The following ZMPSTE24 variants were observed in gnomAD, a reference collection of about 807,000 sequenced individuals.
The protein encoded by ZMPSTE24 is zinc metallopeptidase STE24, also known as CAAX prenyl protease 1 homolog.
Under a neutral mutation model 56.7 loss-of-function variants are expected in ZMPSTE24, and 48 were observed. The observed-to-expected ratio is 0.85, with a 90% CI of 0.67 to 1.08. ZMPSTE24 has a LOEUF of 1.08. Among genes scored for constraint, ZMPSTE24 ranks in the 50% least tolerant of loss-of-function variants. The probability of loss-of-function intolerance (pLI) is 0.00; values close to 1 mark genes in which losing one functional copy is unlikely to be tolerated. For missense variants in ZMPSTE24, 503 were observed against 548.7 expected, an observed-to-expected ratio of 0.92 and a Z score of 0.83; for synonymous variants, 172 against 195.2, an observed-to-expected ratio of 0.88 and a Z score of 0.99.
chr1:40,269,545 G>A (rs959941870), intron 4 of ZMPSTE24, among the ~76,000 whole-genome samples: 3 of 152,098 alleles, frequency 2.0e-5, no homozygotes, highest in South Asian at 2.1e-4. Flanking sequence ...CTGTAGCCAC[G>A]ACCTTCCAGA....
intron 1 of ZMPSTE24, 27 bp downstream of exon 1, chr1:40,258,421 C>G (rs769897929): frequency 1.6e-5 from 26 of 1,613,616 alleles, no homozygotes; most frequent in Non-Finnish European, 1.9e-5. Flanking sequence ...TCCAACCTGA[C>G]CCCCATACCC....
In ZMPSTE24 at chr1:40,260,886, G is replaced by T. The variant is rs1455088256; in HGVS notation, c.171G>T (p.Gln57His). The T allele has an allele frequency of 6.2e-7, 1 of 1,614,010 alleles. No individual in the cohort carries two copies. Residue 57 changes from glutamine to histidine, a missense_variant, in exon 2 of 10, where the codon CAG becomes CAT. Physicochemically the swap from Gln to His is conservative, Grantham distance 24. Coordinates refer to ENST00000372759, the MANE Select transcript of ZMPSTE24 (RefSeq NM_005857.5). ...CTCATGTACCACCGGAGTTAGGACA[G>T]ATCATGGATTCTGAAACATTTGAGA... ...TTTHVPPELG[Q>H]IMDSETFEKS...
At chr1:40,279,537 C>T (rs539366562) in intron 6 of ZMPSTE24, among the ~76,000 whole-genome samples, 1 of 152,300 alleles carries the variant, frequency 6.6e-6, no homozygotes, top group East Asian at 1.9e-4. Context: ...TTTTCTGCAT[C>T]CAGCTAGTTG....
chr1:40,260,690 A>G (rs1338474492), intron 1 of ZMPSTE24, 149 bp from the exon 2 acceptor site: 3 of 737,440 alleles, frequency 4.1e-6, no homozygotes, highest in East Asian at 5.4e-5. Flanking sequence ...CAGTCGTTTC[A>G]TGTACTTGAT....
rs952090435 is a variant in ZMPSTE24, at chr1:40,284,286, A to T, written c.955-1639A>T. 1.1e-4 allele frequency among the ~76,000 whole-genome samples: 17 copies of T among 150,918 alleles called. 1 individual carries two copies. Among genetic ancestry groups the T allele is most frequent in the African/African-American group, 4.1e-4 (17 of 41,150 alleles). On this transcript the variant is annotated intron_variant, in intron 7 of 9. Coordinates refer to ENST00000372759, the MANE Select transcript of ZMPSTE24 (RefSeq NM_005857.5). ...GATTTCTAATAATTTTTTTATCTGA[A>T]TTTTCCAATTTACAGCATTTCGTTA...
intron 6 of ZMPSTE24, among the ~76,000 whole-genome samples, chr1:40,273,378 C>T (rs1481784888): frequency 2.7e-5 from 4 of 150,934 alleles, no homozygotes; most frequent in South Asian, 2.1e-4. Flanking sequence ...ATTAGCTGGG[C>T]GTGGTGGTGC....
chr1:40,268,644 A>T (rs989330907), intron 4 of ZMPSTE24, 109 bp downstream of exon 4: 1 of 777,948 alleles, frequency 1.3e-6, no homozygotes, highest in Non-Finnish European at 2.0e-6. Context: ...GTATGAATTG[A>T]GAAAAAAGGG....
At position 40,285,960 on chromosome 1, in the gene ZMPSTE24, C is replaced by T. The variant is rs116284141; in HGVS notation, c.990C>T (p.Leu330=). The T allele has an allele frequency of 8.9e-4, 1,430 of 1,613,796 alleles. 9 individuals carry two copies. The African/African-American group carries it at 0.016, about 18-fold the overall frequency. Residue 330 remains leucine (L), a synonymous_variant, in exon 8 of 10, where the codon CTC becomes CTT. Transcript: ENST00000372759. The part of the protein sequence containing the change: ...KKQGCKNEEV[L]AVLGHELGHW... ...AAGGATGTAAAAATGAGGAGGTACT[C>T]GCTGTACTAGGCCATGAACTGGGGC...
chr1:40,283,941 T>TTC (rs202058792), intron 7 of ZMPSTE24, among the ~76,000 whole-genome samples: 6,111 of 141,036 alleles, frequency 0.043, 377 homozygotes, highest in African/African-American at 0.15. Flanking sequence ...CTTTCTTTCT[T>TTC]TTTTTTTTTT....
chr1:40,268,256 A>C (rs537310615), intron 3 of ZMPSTE24, among the ~76,000 whole-genome samples, 163 bp from the exon 4 acceptor site: 1 of 152,328 alleles, frequency 6.6e-6, no homozygotes, highest in African/African-American at 2.4e-5. Context: ...ACTTCTCTCA[A>C]AAGTAAACTT....
At chr1:40,288,203 G>A (rs1038052768) in intron 8 of ZMPSTE24, among the ~76,000 whole-genome samples, 3 of 152,106 alleles carry the variant, frequency 2.0e-5, no homozygotes, top group Non-Finnish European at 2.9e-5. Context: ...AGGCCAGCTG[G>A]TTCTGGGTGA....
intron 2 of ZMPSTE24, 108 bp from the exon 3 acceptor site, chr1:40,267,678 T>G (rs1407011565): frequency 2.1e-6 from 2 of 940,502 alleles, no homozygotes; most frequent in African/African-American, 3.3e-5. Context: ...CTCTTTTGTT[T>G]TTTTAATAGA....
chr1:40,270,345 C>T (rs1438977688), intron 5 of ZMPSTE24, among the ~76,000 whole-genome samples: 1 of 152,122 alleles, frequency 6.6e-6, no homozygotes, highest in African/African-American at 2.4e-5. Context: ...GTCATAGAAA[C>T]TAGTTGTTAG....
chr1:40,286,124 C>T, intron 8 of ZMPSTE24, 95 bp downstream of exon 8: 4 of 1,080,314 alleles, frequency 3.7e-6, no homozygotes, highest in Non-Finnish European at 5.6e-6. Flanking sequence ...CCAAGGCAGA[C>T]ACCACAGCCA....
chr1:40,291,839 CTTTTTTT>C (rs769515049), intron 9 of ZMPSTE24, among the ~76,000 whole-genome samples: 5 of 132,920 alleles, frequency 3.8e-5, no homozygotes, highest in Middle Eastern at 3.6e-3. Flanking sequence ...TCTTAAAACT[CTTTTTTT>C]TTTTTTTTTT....
rs1242453845 is a variant in ZMPSTE24 at position 40,271,986 on chromosome 1, A to G, written c.720A>G (p.Val240=). 6.2e-7 allele frequency: 1 copy of G among 1,613,372 alleles called. No homozygotes were observed. Among genetic ancestry groups the G allele is most frequent in the Admixed American group, 1.7e-5 (1 of 59,992 alleles). The change falls in exon 6 of 10, where the codon GTA becomes GTG. Residue 240 remains valine (V), a synonymous_variant. Coordinates refer to ENST00000372759, the MANE Select transcript of ZMPSTE24 (RefSeq NM_005857.5). The part of the protein sequence containing the change: ...PEGKLKEEIE[V]MAKSIDFPLT... The stretch of plus-strand genomic sequence containing the variant: ...GAAAGCTTAAAGAAGAAATTGAAGT[A>G]ATGGCAAAGAGTATTGACTTTCCTT...
chr1:40,293,296 T>C lies in ZMPSTE24; in HGVS notation c.*627T>C, dbSNP rs1358752845. 6.6e-6 allele frequency: 1 copy of C among 152,264 alleles called. No homozygotes were observed. Among genetic ancestry groups the C allele is most frequent in the Non-Finnish European group, 1.5e-5 (1 of 68,050 alleles). 9.4% of individuals were successfully genotyped at this position (152,264 alleles called of 1,614,324 possible). On this transcript the variant is annotated 3_prime_UTR_variant, in exon 10 of 10. Coordinates refer to ENST00000372759, the MANE Select transcript of ZMPSTE24 (RefSeq NM_005857.5). The stretch of plus-strand genomic sequence containing the variant: ...CATAGTGCTTTGAAGTTAGAAATTA[T>C]GTATAGGATATTTTAAATCATTGAG...
intron 9 of ZMPSTE24, among the ~76,000 whole-genome samples, chr1:40,291,459 C>T (rs763096734): frequency 1.1e-4 from 16 of 152,158 alleles, no homozygotes; most frequent in Admixed American, 5.2e-4. Context: ...AAATCAAAAT[C>T]GGGTATTTTG....
At chr1:40,278,534 G>A (rs1337233753) in intron 6 of ZMPSTE24, among the ~76,000 whole-genome samples, 6 of 123,002 alleles carry the variant, frequency 4.9e-5, no homozygotes, top group Admixed American at 4.6e-4. Context: ...CTCCAGCCTG[G>A]GCGACAGAGT....
Sources: gnomAD v4.1 joint callset for allele counts (sites outside exome capture counted in the v4.1 genomes callset) on GRCh38, gnomAD v4.1.1 for gene constraint, MANE v1.5 for transcripts, NCBI Gene and HGNC (gene_info 2026-07-23, HGNC 2026-07-21) for gene names.